The following LAMA1 variants were observed in gnomAD, a reference collection of about 807,000 sequenced individuals.
LAMA1 encodes laminin subunit alpha-1.
A neutral mutation model predicts 348.7 loss-of-function variants in LAMA1; 219 were observed. The observed-to-expected ratio is 0.63, with a 90% CI of 0.56 to 0.70. LAMA1 has a LOEUF of 0.70. LAMA1 is among the 30% of genes least tolerant of loss of function. The probability of loss-of-function intolerance (pLI) is 0.00; values close to 1 mark genes in which losing one functional copy is unlikely to be tolerated. For synonymous variants in LAMA1, 1,487 were observed against 1,491.0 expected, an observed-to-expected ratio of 1.00 and a Z score of 0.06; for missense variants, 3,744 against 3,888.0, an observed-to-expected ratio of 0.96 and a Z score of 0.99.
intron 16 of LAMA1, among the ~76,000 whole-genome samples, chr18:7,031,348 C>T (rs1335493717): frequency 1.3e-5 from 2 of 152,082 alleles, no homozygotes; most frequent in Non-Finnish European, 2.9e-5. Flanking sequence ...AGTCTTGCCC[C>T]ACACCTGCCC....
rs1395266208 is a variant in LAMA1, at chr18:7,068,598, T to G, written c.345+11377A>C. Among the ~76,000 whole-genome samples the G allele has an allele frequency of 2.0e-5, 3 of 152,336 alleles. No homozygotes were observed. The East Asian group carries it at 5.8e-4, about 29-fold the overall frequency. On this transcript the variant is annotated intron_variant, in intron 3 of 62. Transcript: ENST00000389658. The stretch of plus-strand genomic sequence containing the variant: ...TTTCTATAGTTTAAAAACTTTCTGC[T>G]ATTATCTGTTACTAGTACATCAAAA...
At position 7,011,449 on chromosome 18, in the gene LAMA1, G is replaced by A. The variant is rs768509515; in HGVS notation, c.3538C>T (p.Arg1180Cys). The change falls in exon 25 of 63, where the codon CGT becomes TGT. Residue 1180 changes from arginine to cysteine, a missense_variant. Arg to Cys is a radical substitution (Grantham distance 180, BLOSUM62 -3). This residue lies in a region of LAMA1 where 1,529 missense variants were observed against 1,689.4 expected (regional missense o/e 0.91). Coordinates refer to ENST00000389658, the MANE Select transcript of LAMA1 (RefSeq NM_005559.4). ...CTCAAGTTACTCTGAGAAACCACAC[G>A]CAGAAGAGGCTGATCGGAGCCCAGC... The part of the protein sequence containing the change: ...VTLGSDQPLL[R>C]VVSQSNLRGT... 11 of 1,608,016 alleles carry A rather than the reference G, an allele frequency of 6.8e-6. No homozygotes were observed. Among genetic ancestry groups the A allele is most frequent in the Admixed American group, 1.7e-5 (1 of 59,054 alleles).
chr18:7,075,351 G>T (rs969347335), intron 3 of LAMA1, among the ~76,000 whole-genome samples: 1 of 152,190 alleles, frequency 6.6e-6, no homozygotes, highest in South Asian at 2.1e-4. Flanking sequence ...GGTCAGGCGC[G>T]GTGGCTCACA....
At chr18:6,985,134 T>C in intron 39 of LAMA1, 103 bp downstream of exon 39, 1 of 1,391,452 alleles carries the variant, frequency 7.2e-7, no homozygotes, top group Non-Finnish European at 1.0e-6. Flanking sequence ...TGCTCATTTT[T>C]ACACAAAGGA....
Position 6,992,615 on chromosome 18 carries a change from A to T in LAMA1, c.5114T>A (p.Ile1705Asn), listed in dbSNP as rs764356206. 6.2e-7 allele frequency: 1 copy of T among 1,614,128 alleles called. No individual in the cohort carries two copies. The highest frequency in any genetic ancestry group is 1.7e-5 in the Admixed American group (1 of 60,016). The part of the protein sequence containing the change: ...MQQNGTSLLE[I>N]MQIRDFTQLH... Reference sequence around the variant, plus strand: ...CTGTGTGAAGTCTCTTATCTGCATGATTTCTAGCAAAGATGTACCATTCTG... The same window carrying T: ...CTGTGTGAAGTCTCTTATCTGCATGTTTTCTAGCAAAGATGTACCATTCTG... Residue 1705 changes from isoleucine to asparagine, a missense_variant, in exon 36 of 63, where the codon ATC becomes AAC. This residue lies in a region of LAMA1 where 1,983 missense variants were observed against 1,934.3 expected (regional missense o/e 1.03). Coordinates refer to ENST00000389658, the MANE Select transcript of LAMA1 (RefSeq NM_005559.4).
Position 6,947,175 on chromosome 18 carries a change from A to C in LAMA1, c.8832T>G (p.Leu2944=), listed in dbSNP as rs2057525713. 2.5e-6 allele frequency: 4 copies of C among 1,614,198 alleles called. No homozygotes were observed. Among genetic ancestry groups the C allele is most frequent in the Non-Finnish European group, 3.4e-6 (4 of 1,180,028 alleles). ...AGGAAGCACCCACCTTGCCGTCCAC[A>C]AGCTCTAGTCCAATGGCATCCACTT... ...TAKVDAIGLE[L]VDGKVLFHVN... is the part of the protein sequence containing the mutation. Residue 2944 remains leucine (L), a synonymous_variant, in exon 61 of 63, where the codon CTT becomes CTG. Transcript: ENST00000389658.
chr18:7,051,605 G>A (rs984228890), intron 3 of LAMA1, among the ~76,000 whole-genome samples: 5 of 152,072 alleles, frequency 3.3e-5, no homozygotes, highest in Non-Finnish European at 7.4e-5. Context: ...GCTTGTTCTT[G>A]TTTCCAATGT....
chr18:7,046,471 T>A, intron 5 of LAMA1, 104 bp from the exon 6 acceptor site: 1 of 664,282 alleles, frequency 1.5e-6, no homozygotes, highest in Non-Finnish European at 2.7e-6. Context: ...GAGTTTTTAT[T>A]GGTAATCTAA....
At chr18:7,044,322 G>A (rs2058033269) in intron 7 of LAMA1, among the ~76,000 whole-genome samples, 1 of 152,082 alleles carries the variant, frequency 6.6e-6, no homozygotes, top group South Asian at 2.1e-4. Context: ...AAAGTGCGAA[G>A]GAGGGAGATG....
intron 8 of LAMA1, chr18:7,042,778 G>A (rs1452763074): frequency 2.0e-5 from 4 of 201,616 alleles, no homozygotes; most frequent in Middle Eastern, 2.1e-3. Context: ...AGCTACTCGG[G>A]AGGCTGAGGC....
At chr18:7,089,133 C>T (rs1011863389) in intron 1 of LAMA1, among the ~76,000 whole-genome samples, 1 of 152,108 alleles carries the variant, frequency 6.6e-6, no homozygotes, top group Non-Finnish European at 1.5e-5. Flanking sequence ...AATCTCAGCA[C>T]GTTCGGAGGC....
At chr18:7,088,147 G>T (rs1026728312) in intron 1 of LAMA1, among the ~76,000 whole-genome samples, 1 of 152,156 alleles carries the variant, frequency 6.6e-6, no homozygotes. Context: ...AGGCCTAAAG[G>T]AAAGGCTGAC....
rs764975447 is a variant in LAMA1, at chr18:7,018,336, C to CA, written c.2702-953dup. 8.3e-3 allele frequency among the ~76,000 whole-genome samples: 364 copies of CA among 44,040 alleles called. 27 individuals carry two copies. Among genetic ancestry groups the CA allele is most frequent in the African/African-American group, 0.026 (255 of 9,892 alleles). The allele number at this position is 44,040 out of a possible 152,430, so 28.9% of individuals were successfully genotyped here. On this transcript the variant is annotated intron_variant, in intron 19 of 62. Coordinates refer to ENST00000389658, the MANE Select transcript of LAMA1 (RefSeq NM_005559.4). ...GAGCGACAAGTGTGAAACTCCATCT[C>CA]AAAAAAAAAAAAAAAAAAAAAAGAA...
intron 56 of LAMA1, 114 bp downstream of exon 56, chr18:6,956,522 T>C: frequency 6.5e-7 from 1 of 1,529,986 alleles, no homozygotes; most frequent in Non-Finnish European, 9.0e-7. Context: ...CAGCTCCAGC[T>C]CCAGCTCCAG....
At chr18:7,010,511 G>T in intron 25 of LAMA1, 126 bp from the exon 26 acceptor site, 1 of 920,186 alleles carries the variant, frequency 1.1e-6, no homozygotes, top group Non-Finnish European at 1.7e-6. Context: ...GGTGAAATTT[G>T]TTGTCTGGAA....
At chr18:7,056,455 T>C (rs1476423286) in intron 3 of LAMA1, among the ~76,000 whole-genome samples, 2 of 152,216 alleles carry the variant, frequency 1.3e-5, no homozygotes, top group African/African-American at 4.8e-5. Context: ...TCACATTTAA[T>C]CCCAAACAAC....
At chr18:6,960,355 T>C (rs2057601149) in intron 53 of LAMA1, 1 of 152,278 alleles carries the variant, frequency 6.6e-6, no homozygotes, top group Non-Finnish European at 1.5e-5. Context: ...AGGAATGAAG[T>C]ACTGATCCAT....
chr18:6,996,320 A>G (rs1043402038), intron 33 of LAMA1, among the ~76,000 whole-genome samples: 12 of 152,156 alleles, frequency 7.9e-5, no homozygotes, highest in Non-Finnish European at 1.2e-4. Flanking sequence ...ACACACGCAC[A>G]CACCTAAGGA....
At chr18:7,066,244 G>A (rs1008982637) in intron 3 of LAMA1, among the ~76,000 whole-genome samples, 3 of 152,296 alleles carry the variant, frequency 2.0e-5, no homozygotes, top group East Asian at 1.9e-4. Context: ...CGTGAATGAC[G>A]TGGATACAAA....
Sources: allele counts gnomAD v4.1 joint callset (sites outside exome capture counted in the v4.1 genomes callset), GRCh38; gene constraint gnomAD v4.1.1; regional missense constraint gnomAD v4.1.1; transcripts MANE v1.5; gene names NCBI Gene and HGNC (gene_info 2026-07-23, HGNC 2026-07-21).